The following WHRN variants were observed in gnomAD, a reference collection of about 807,000 sequenced individuals.
The protein encoded by WHRN is whirlin.
WHRN carries 41 observed loss-of-function variants against 68.3 expected under a neutral mutation model. That is an observed-to-expected ratio of 0.60 (90% confidence interval 0.47 to 0.78). The LOEUF is 0.78. Ranked by LOEUF, WHRN falls within the 30% of genes least tolerant of loss-of-function variation. The pLI is 0.00. For missense variants in WHRN, 1,243 were observed against 1,244.7 expected (o/e 1.00, Z 0.02); for synonymous variants, 560 against 561.3 (o/e 1.00, Z 0.03).
intron 7 of WHRN, among the ~76,000 whole-genome samples, chr9:114,414,549 G>A (rs1250012773): frequency 1.3e-5 from 2 of 152,184 alleles, no homozygotes; most frequent in African/African-American, 2.4e-5. Context: ...TCACTCAGAG[G>A]GCAGCTGGGG....
Position 114,423,331 on chromosome 9 carries a change from T to C in WHRN, c.1609A>G (p.Thr537Ala), listed in dbSNP as rs749125335. Residue 537 changes from threonine (T) to alanine (A), a missense_variant, in exon 7 of 12, where the codon ACC (threonine) becomes GCC (alanine). Physicochemically the swap from Thr to Ala is moderately conservative, Grantham distance 58 (BLOSUM62 0). Transcript: ENST00000362057. The part of the protein sequence containing the change: ...SSTGSHGTST[T>A]VSSARNTLDL... Reference sequence around the variant, plus strand: ...AAGCTCACCCTGGCCGAGCTGACGGTGGTGGAGGTGCCGTGGCTGCCTGTG... The same window carrying C: ...AAGCTCACCCTGGCCGAGCTGACGGCGGTGGAGGTGCCGTGGCTGCCTGTG... 6.2e-7 allele frequency: 1 copy of C among 1,613,682 alleles called. No homozygotes were observed. The highest frequency in any genetic ancestry group is 1.3e-5 in the African/African-American group (1 of 74,906).
chr9:114,411,228 T>A (rs1341390407), intron 7 of WHRN, among the ~76,000 whole-genome samples: 5 of 152,138 alleles, frequency 3.3e-5, no homozygotes, highest in Admixed American at 2.6e-4. Flanking sequence ...AAGACCATAA[T>A]GAGTCCAATG....
chr9:114,424,323 G>A lies in WHRN; in HGVS notation c.1416+11C>T. ...ATGCTGAAGCCAGTTGGGAGGCAGG[G>A]CACGGGTCACCTTGGCGTGGGTGTT... is the stretch of plus-strand genomic sequence containing the variant. On this transcript the variant is annotated intron_variant, in intron 6 of 11. Coordinates refer to ENST00000362057, the MANE Select transcript of WHRN (RefSeq NM_015404.4). 1 of 1,612,184 alleles carries A rather than the reference G, an allele frequency of 6.2e-7. No homozygotes were observed.
chr9:114,424,655 T>G, intron 5 of WHRN, 109 bp from the exon 6 acceptor site: 1 of 1,239,130 alleles, frequency 8.1e-7, no homozygotes, highest in Non-Finnish European at 1.1e-6. Flanking sequence ...GTGTTTCATC[T>G]GTTATTCTCC....
rs148103230 is a variant in WHRN, at chr9:114,425,586, GAC to G, written c.1167-564_1167-563del. On this transcript the variant is annotated intron_variant, in intron 4 of 11. Coordinates refer to ENST00000362057, the MANE Select transcript of WHRN (RefSeq NM_015404.4). ...GCAGGTGAAAGGAAGGGAAGGGGGA[GAC>G]ACACACACACACACACACACACACA... is the stretch of plus-strand genomic sequence containing the variant. 795 of 154,146 alleles carry G rather than the reference GAC, an allele frequency of 5.2e-3. 2 individuals carry two copies. The highest frequency in any genetic ancestry group is 8.4e-3 in the Admixed American group (134 of 15,890). The allele number at this position is 154,146 out of a possible 1,614,324, so 9.5% of individuals were successfully genotyped here. A position where few individuals can be genotyped will look rare whatever the true frequency, so the allele number is the denominator to read the frequency against.
At chr9:114,442,614 C>T (rs796187391) in intron 3 of WHRN, among the ~76,000 whole-genome samples, 32 of 152,242 alleles carry the variant, frequency 2.1e-4, no homozygotes, top group African/African-American at 7.7e-4. Flanking sequence ...CCCTCATAAA[C>T]GGCTTGGTGC....
chr9:114,408,224 C>A (rs1179768621), intron 7 of WHRN, among the ~76,000 whole-genome samples: 1 of 152,168 alleles, frequency 6.6e-6, no homozygotes, highest in Non-Finnish European at 1.5e-5. Flanking sequence ...GTTAAGTTTT[C>A]TTTGGGACTT....
At chr9:114,437,421 T>C (rs12002308) in intron 3 of WHRN, among the ~76,000 whole-genome samples, 3,741 of 152,284 alleles carry the variant, frequency 0.025, 155 homozygotes, top group African/African-American at 0.086. Flanking sequence ...AAAACTTTTG[T>C]ATTAAAAAAA....
chr9:114,407,626 G>A (rs376594291), intron 8 of WHRN, among the ~76,000 whole-genome samples: 27 of 152,314 alleles, frequency 1.8e-4, no homozygotes, highest in African/African-American at 5.5e-4. Flanking sequence ...TATGGGGTAG[G>A]TATGCTATGA....
chr9:114,436,383 C>T (rs887891581), intron 3 of WHRN, among the ~76,000 whole-genome samples: 3 of 152,132 alleles, frequency 2.0e-5, no homozygotes, highest in Non-Finnish European at 4.4e-5. Context: ...CATATTTGCT[C>T]ATCAACTGTA....
intron 3 of WHRN, among the ~76,000 whole-genome samples, chr9:114,456,689 GTGTGGTGATGCA>G (rs928473741): frequency 6.6e-5 from 10 of 152,066 alleles, no homozygotes; most frequent in Non-Finnish European, 1.0e-4. Flanking sequence ...AATTAGCTAG[GTGTGGTGATGCA>G]TGTCTGTAGT....
At position 114,462,579 on chromosome 9, in the gene WHRN, G is replaced by A. The variant is rs76322887; in HGVS notation, c.963+3688C>T. 9.6e-3 allele frequency among the ~76,000 whole-genome samples: 1,456 copies of A among 152,288 alleles called. 74 individuals are homozygous for A. The highest frequency in any genetic ancestry group is 0.076 in the Admixed American group (1,156 of 15,284). On this transcript the variant is annotated intron_variant, in intron 3 of 11. Transcript: ENST00000362057. ...ACAGCTCTGATAACAGAAAGAATTT[G>A]ATCTTGGGCAACTCAGTTTAAGTCT...
At chr9:114,417,058 G>C (rs1172522179) in intron 7 of WHRN, among the ~76,000 whole-genome samples, 1 of 152,128 alleles carries the variant, frequency 6.6e-6, no homozygotes, top group African/African-American at 2.4e-5. Flanking sequence ...CTGCTCTCTC[G>C]GCCAACATCT....
intron 3 of WHRN, among the ~76,000 whole-genome samples, chr9:114,444,665 CAAAT>C (rs1278302203): frequency 1.4e-4 from 21 of 151,908 alleles, no homozygotes; most frequent in African/African-American, 4.4e-4. Flanking sequence ...CAAGTATGTA[CAAAT>C]AAATATATTC....
At chr9:114,490,096 C>T (rs1435480471) in intron 1 of WHRN, among the ~76,000 whole-genome samples, 2 of 152,230 alleles carry the variant, frequency 1.3e-5, no homozygotes, top group East Asian at 1.9e-4. Context: ...AGCCATGCCA[C>T]GACACGGTCC....
Position 114,406,388 on chromosome 9 carries a change from C to T in WHRN, c.2203G>A (p.Val735Ile), listed in dbSNP as rs373552185. Residue 735 changes from valine to isoleucine, a missense_variant, in exon 9 of 12, where the codon GTC (valine) becomes ATC (isoleucine). Physicochemically the swap from Val to Ile is conservative, Grantham distance 29. Coordinates refer to ENST00000362057, the MANE Select transcript of WHRN (RefSeq NM_015404.4). ...EVHRPDSEPD[V>I]NEVRALPQTR... The stretch of plus-strand genomic sequence containing the variant: ...TGGGGCAGCGCCCTCACTTCATTGA[C>T]GTCTGGCTCGCTGTCGGGGCGGTGG... The T allele has an allele frequency of 2.4e-4, 383 of 1,614,190 alleles. 2 individuals are homozygous for T. The South Asian group carries it at 3.2e-3, about 14-fold the overall frequency.
intron 3 of WHRN, among the ~76,000 whole-genome samples, chr9:114,427,717 A>C (rs1435478859): frequency 2.0e-5 from 3 of 152,138 alleles, no homozygotes; most frequent in African/African-American, 7.2e-5. Flanking sequence ...CCCAGTTGGG[A>C]GTTTCCAGTA....
chr9:114,428,115 G>T (rs1025826941), intron 3 of WHRN, among the ~76,000 whole-genome samples: 1 of 152,146 alleles, frequency 6.6e-6, no homozygotes, highest in Non-Finnish European at 1.5e-5. Flanking sequence ...ATCACTTGGG[G>T]TCAGGAGTTC....
chr9:114,417,939 T>C (rs1262720641), intron 7 of WHRN, among the ~76,000 whole-genome samples: 2 of 152,122 alleles, frequency 1.3e-5, no homozygotes, highest in Non-Finnish European at 2.9e-5. Context: ...GTTGTACAGA[T>C]GGGGAGACTG....
Sources: allele counts gnomAD v4.1 joint callset (sites outside exome capture counted in the v4.1 genomes callset), GRCh38; gene constraint gnomAD v4.1.1; transcripts MANE v1.5; gene names NCBI Gene and HGNC (gene_info 2026-07-23, HGNC 2026-07-21).